The following FHIT variants were observed in gnomAD, a reference collection of about 807,000 sequenced individuals.
The protein encoded by FHIT is bis(5'-adenosyl)-triphosphatase.
In FHIT, 19 loss-of-function variants were observed where a neutral mutation model predicts 17.9. The ratio of observed to expected loss-of-function variants is 1.06; its 90% CI spans 0.74 to 1.56. The LOEUF (loss-of-function observed/expected upper bound fraction) is 1.56, where lower values mean the gene tolerates loss of function less well. Among genes scored for constraint, FHIT ranks in the 40% most tolerant of loss-of-function variants. The pLI, the probability that FHIT is intolerant of heterozygous loss-of-function variation, is 0.00. For synonymous variants in FHIT, 81 were observed against 69.7 expected, an observed-to-expected ratio of 1.16 and a Z score of -0.81; for missense variants, 248 against 189.2, an observed-to-expected ratio of 1.31 and a Z score of -1.82.
At chr3:59,990,849 G>C (rs983921012) in intron 7 of FHIT, among the ~76,000 whole-genome samples, 1 of 152,030 alleles carries the variant, frequency 6.6e-6, no homozygotes, top group Non-Finnish European at 1.5e-5. Flanking sequence ...TTTAAAAATA[G>C]TCATTATAGA....
chr3:61,226,711 G>GA (rs2039980297), intron 1 of FHIT, among the ~76,000 whole-genome samples: 1 of 152,268 alleles, frequency 6.6e-6, no homozygotes, highest in Non-Finnish European at 1.5e-5. Flanking sequence ...GAGAGAAAGA[G>GA]AAAAAAGTTC....
intron 2 of FHIT, among the ~76,000 whole-genome samples, chr3:61,064,748 T>C (rs1410405152): frequency 2.6e-5 from 4 of 152,196 alleles, no homozygotes; most frequent in Non-Finnish European, 5.9e-5. Flanking sequence ...AAATCCTTCA[T>C]AGGATCATAT....
chr3:61,171,369 T>C (rs925608640), intron 2 of FHIT, among the ~76,000 whole-genome samples: 1 of 152,206 alleles, frequency 6.6e-6, no homozygotes, highest in African/African-American at 2.4e-5. Flanking sequence ...AAATGCATAG[T>C]TCGCAAAAAT....
At chr3:61,026,767 G>T (rs866415430) in intron 3 of FHIT, among the ~76,000 whole-genome samples, 5 of 152,114 alleles carry the variant, frequency 3.3e-5, no homozygotes, top group Admixed American at 6.5e-5. Flanking sequence ...CGCTGCTAAA[G>T]CTTACAATGA....
intron 3 of FHIT, among the ~76,000 whole-genome samples, chr3:60,928,116 C>T (rs1176867961): frequency 6.6e-6 from 1 of 151,936 alleles, no homozygotes; most frequent in Non-Finnish European, 1.5e-5. Flanking sequence ...GCAGTATGCT[C>T]GTTAAGAGTC....
At chr3:60,356,768 A>C (rs960366611) in intron 5 of FHIT, among the ~76,000 whole-genome samples, 52 of 144,310 alleles carry the variant, frequency 3.6e-4, no homozygotes, top group Non-Finnish European at 5.8e-4. Context: ...AAAAAAAAAA[A>C]AAAAAAAAAA....
chr3:60,736,799 T>C (rs1006375805), intron 4 of FHIT, among the ~76,000 whole-genome samples: 2 of 152,236 alleles, frequency 1.3e-5, no homozygotes, highest in South Asian at 2.1e-4. Flanking sequence ...ATGTGAATTA[T>C]TTCAATAAGA....
intron 4 of FHIT, among the ~76,000 whole-genome samples, chr3:60,555,883 G>A (rs1008339795): frequency 6.6e-6 from 1 of 152,194 alleles, no homozygotes; most frequent in Admixed American, 6.5e-5. Flanking sequence ...TTCTGCAGGA[G>A]AGCTGGAGTT....
chr3:60,502,332 G>T (rs2107526043), intron 5 of FHIT, among the ~76,000 whole-genome samples: 1 of 152,292 alleles, frequency 6.6e-6, no homozygotes, highest in Middle Eastern at 3.4e-3. Flanking sequence ...GGGCCACCAT[G>T]AACTGAACCA....
intron 8 of FHIT, among the ~76,000 whole-genome samples, chr3:59,856,953 C>T (rs1382223522): frequency 6.6e-6 from 1 of 151,764 alleles, no homozygotes; most frequent in Admixed American, 6.6e-5. Flanking sequence ...AATAAAGAAA[C>T]TGAGTCAAGT....
chr3:60,439,956 T>C (rs1387445474), intron 5 of FHIT, among the ~76,000 whole-genome samples: 1 of 152,022 alleles, frequency 6.6e-6, no homozygotes, highest in African/African-American at 2.4e-5. Context: ...TTCCAATCCT[T>C]TACTCTTTCT....
At chr3:59,850,591 G>C (rs1034642764) in intron 8 of FHIT, among the ~76,000 whole-genome samples, 1 of 152,176 alleles carries the variant, frequency 6.6e-6, no homozygotes, top group South Asian at 2.1e-4. Flanking sequence ...GCCGATACAA[G>C]CTCAGGCTCT....
chr3:60,797,706 C>A (rs147736232), intron 4 of FHIT, among the ~76,000 whole-genome samples: 25 of 149,356 alleles, frequency 1.7e-4, no homozygotes, highest in African/African-American at 6.2e-4. Flanking sequence ...ACATTGGCAA[C>A]TAGATGGGCA....
At chr3:61,219,678 T>A (rs9815151) in intron 1 of FHIT, among the ~76,000 whole-genome samples, 21,581 of 152,074 alleles carry the variant, frequency 0.14, 1,672 homozygotes, top group African/African-American at 0.16. Context: ...TGAATCCAAA[T>A]ACTTTGGGCT....
intron 8 of FHIT, among the ~76,000 whole-genome samples, chr3:59,918,861 G>A (rs1705267462): frequency 6.6e-6 from 1 of 152,088 alleles, no homozygotes; most frequent in African/African-American, 2.4e-5. Context: ...TACTTTGCAG[G>A]CAAAAATAAA....
At chr3:60,659,572 T>C (rs1355582975) in intron 4 of FHIT, among the ~76,000 whole-genome samples, 1 of 152,200 alleles carries the variant, frequency 6.6e-6, no homozygotes, top group South Asian at 2.1e-4. Flanking sequence ...AGTGAATTTT[T>C]CATTTCAGTT....
At chr3:60,217,459 A>G (rs531833412) in intron 5 of FHIT, among the ~76,000 whole-genome samples, 2 of 152,236 alleles carry the variant, frequency 1.3e-5, no homozygotes, top group South Asian at 4.1e-4. Flanking sequence ...CTGTTTTCCT[A>G]TATCCATTCT....
At chr3:60,663,253 G>A (rs1471484835) in intron 4 of FHIT, among the ~76,000 whole-genome samples, 5 of 145,506 alleles carry the variant, frequency 3.4e-5, no homozygotes, top group Non-Finnish European at 7.5e-5. Context: ...CCATATAAAT[G>A]GAGATCAAAT....
chr3:60,996,221 G>A (rs903680807), intron 3 of FHIT, among the ~76,000 whole-genome samples: 7 of 152,156 alleles, frequency 4.6e-5, no homozygotes, highest in Admixed American at 2.0e-4. Flanking sequence ...AGAGTGTGAC[G>A]AGATGGTGGG....
Sources: allele counts gnomAD v4.1 joint callset (sites outside exome capture counted in the v4.1 genomes callset), GRCh38; gene constraint gnomAD v4.1.1; transcripts MANE v1.5; gene names NCBI Gene and HGNC (gene_info 2026-07-23, HGNC 2026-07-21).